Variants in SNN observed in about 807,000 individuals in gnomAD.
SNN encodes the protein stannin, also known as AG8_1.
Under a neutral mutation model 5.3 loss-of-function variants are expected in SNN, and 5 were observed. That is an observed-to-expected ratio of 0.94 (90% CI 0.49 to 1.97). The LOEUF (loss-of-function observed/expected upper bound fraction) is 1.97, where lower values mean the gene tolerates loss of function less well. SNN is among the 30% of genes most tolerant of loss of function. SNN has a pLI of 0.01. For missense variants in SNN, 127 were observed against 121.6 expected (o/e 1.04, Z -0.21); for synonymous variants, 67 against 52.1 (o/e 1.29, Z -1.24).
rs2050273849 is a variant in SNN, at chr16:11,672,713, C to T, written c.-85-3262C>T. Among the ~76,000 whole-genome samples, 1 of 152,134 alleles carries T rather than the reference C, an allele frequency of 6.6e-6. No homozygotes were observed. Among genetic ancestry groups the T allele is most frequent in the South Asian group, 2.1e-4 (1 of 4,834 alleles). ...CTGTGCTCGCGGCGGGGCAGAACCC[C>T]ACATCTGGCTCTGCCCATGCCTCCT... On this transcript the variant is annotated intron_variant, in intron 1 of 1. Transcript: ENST00000329565. This position sits in a 1 kb window ranked among gnomAD's most constrained non-coding sequence, Gnocchi z 6.0.
Position 11,674,580 on chromosome 16 carries a change from G to C in SNN, c.-85-1395G>C, listed in dbSNP as rs8191311. Among the ~76,000 whole-genome samples, 8 of 152,358 alleles carry C rather than the reference G, an allele frequency of 5.3e-5. No individual in the cohort carries two copies. The South Asian group carries it at 1.7e-3, about 32-fold the overall frequency. ...CTCCGTGGCTCGGCCAGGTGGAGGT[G>C]GTGGTCCCAGCCCTCCAACTTCTGG... is the stretch of plus-strand genomic sequence containing the variant. On this transcript the variant is annotated intron_variant, in intron 1 of 1. Coordinates refer to ENST00000329565, the MANE Select transcript of SNN (RefSeq NM_003498.6).
At chr16:11,675,786 G>A (rs8191326) in intron 1 of SNN, among the ~76,000 whole-genome samples, 189 bp from the exon 2 acceptor site, 2,931 of 152,316 alleles carry the variant, frequency 0.019, 100 homozygotes, top group African/African-American at 0.067. Flanking sequence ...CACCTGCCTG[G>A]TACAGCAGCA....
intron 1 of SNN, among the ~76,000 whole-genome samples, chr16:11,669,156 G>A (rs2141935596): frequency 6.6e-6 from 1 of 152,312 alleles, no homozygotes; most frequent in Non-Finnish European, 1.5e-5. Context: ...CCTCCCTGGA[G>A]CCTCGCTTTG....
chr16:11,675,237 ATTTCTT>A (rs1422897130), intron 1 of SNN, among the ~76,000 whole-genome samples: 1 of 130,050 alleles, frequency 7.7e-6, no homozygotes, highest in Non-Finnish European at 1.7e-5. Context: ...TGTCATTGTC[ATTTCTT>A]TTTCTTTTTT....
rs1304498099 is a variant in SNN at position 11,678,769 on chromosome 16, C to G, written c.*2443C>G. On this transcript the variant is annotated 3_prime_UTR_variant, in exon 2 of 2. Transcript: ENST00000329565. ...TTTTTTCAATAGCTACTTTTTTTAG[C>G]AGACACCAGAGCCACACTCAAATGG... 5.5e-6 allele frequency: 1 copy of G among 181,992 alleles called. No individual in the cohort carries two copies. Among genetic ancestry groups the G allele is most frequent in the Non-Finnish European group, 1.3e-5 (1 of 77,426 alleles). 11.3% of individuals were successfully genotyped at this position (181,992 alleles called of 1,614,324 possible).
intron 1 of SNN, among the ~76,000 whole-genome samples, chr16:11,669,252 C>T (rs1321974305): frequency 6.6e-6 from 1 of 152,276 alleles, no homozygotes; most frequent in East Asian, 1.9e-4. Context: ...ACCGCGCCTG[C>T]CACGCCGCCC....
chr16:11,674,502 C>T (rs1012732622), intron 1 of SNN, among the ~76,000 whole-genome samples: 8 of 152,218 alleles, frequency 5.3e-5, no homozygotes, highest in Non-Finnish European at 1.0e-4. Flanking sequence ...ACCTTATGTG[C>T]ATTCCATAGC....
At chr16:11,669,596 GA>G (rs1567278473) in intron 1 of SNN, among the ~76,000 whole-genome samples, 1 of 152,252 alleles carries the variant, frequency 6.6e-6, no homozygotes, top group Non-Finnish European at 1.5e-5. Context: ...TCTTGAGGCA[GA>G]AAGGAGACAT....
chr16:11,676,104 C>A lies in SNN; in HGVS notation c.45C>A (p.Val15=). The A allele has an allele frequency of 6.2e-7, 1 of 1,613,670 alleles. No individual in the cohort carries two copies. Among genetic ancestry groups the A allele is most frequent in the South Asian group, 1.1e-5 (1 of 91,042 alleles). The stretch of plus-strand genomic sequence containing the variant: ...GCCCCACCACGGGCGTGGTCACAGT[C>A]ATCGTCATCCTCATTGCCATCGCGG... ...DHSPTTGVVT[V]IVILIAIAAL... Residue 15 remains valine (V), a synonymous_variant, in exon 2 of 2, where the codon GTC becomes GTA. Transcript: ENST00000329565.
In SNN at chr16:11,677,989, G is replaced by A. The variant is rs2050321342; in HGVS notation, c.*1663G>A. 1 of 167,160 alleles carries A rather than the reference G, an allele frequency of 6.0e-6. No individual in the cohort carries two copies. Among genetic ancestry groups the A allele is most frequent in the Admixed American group, 6.5e-5 (1 of 15,274 alleles). The allele number at this position is 167,160 out of a possible 1,614,324, so 10.4% of individuals were successfully genotyped here. On this transcript the variant is annotated 3_prime_UTR_variant, in exon 2 of 2. Transcript: ENST00000329565. This position sits in a 1 kb window ranked among gnomAD's most constrained non-coding sequence, Gnocchi z 4.2. Reference sequence around the variant, plus strand: ...AATTGGGGGTTTAAACATTAAGTAGGAGCTTGGGGTGGAAGAGGGACAGCC... The same window carrying A: ...AATTGGGGGTTTAAACATTAAGTAGAAGCTTGGGGTGGAAGAGGGACAGCC...
rs952924227 is a variant in SNN at position 11,677,334 on chromosome 16, C to T, written c.*1008C>T. On this transcript the variant is annotated 3_prime_UTR_variant, in exon 2 of 2. Transcript: ENST00000329565. The surrounding 1 kb of genome is among the most constrained non-coding windows in gnomAD (Gnocchi z 4.2). ...GGACTGTTGAGGTTCTGTCTTTTTT[C>T]TTCTTTTCCTCTTCCCTCTTCACAT... The T allele has an allele frequency of 3.6e-5, 6 of 167,194 alleles. No individual in the cohort carries two copies. Among genetic ancestry groups the T allele is most frequent in the Non-Finnish European group, 8.8e-5 (6 of 68,234 alleles). 10.4% of individuals were successfully genotyped at this position (167,194 alleles called of 1,614,324 possible).
Position 11,676,110 on chromosome 16 carries a change from C to T in SNN, c.51C>T (p.Val17=), listed in dbSNP as rs1184830518. 1.4e-5 allele frequency: 23 copies of T among 1,613,856 alleles called. No homozygotes were observed. The highest frequency in any genetic ancestry group is 1.9e-5 in the Non-Finnish European group (23 of 1,179,932). ...SPTTGVVTVI[V]ILIAIAALGA... is the part of the protein sequence containing the mutation. Reference sequence around the variant, plus strand: ...CCACGGGCGTGGTCACAGTCATCGTCATCCTCATTGCCATCGCGGCCCTGG... The same window carrying T: ...CCACGGGCGTGGTCACAGTCATCGTTATCCTCATTGCCATCGCGGCCCTGG... The change falls in exon 2 of 2, where the codon GTC becomes GTT. Residue 17 remains valine (V), a synonymous_variant. Coordinates refer to ENST00000329565, the MANE Select transcript of SNN (RefSeq NM_003498.6).
intron 1 of SNN, among the ~76,000 whole-genome samples, chr16:11,669,053 C>G (rs1380063800): frequency 6.6e-6 from 1 of 152,170 alleles, no homozygotes; most frequent in Non-Finnish European, 1.5e-5. Flanking sequence ...TCCCCTGGTC[C>G]CCGTCCCACA....
chr16:11,673,813 G>C (rs894232505), intron 1 of SNN, among the ~76,000 whole-genome samples: 11 of 152,336 alleles, frequency 7.2e-5, no homozygotes, highest in Middle Eastern at 3.4e-3. Flanking sequence ...CGGTCCTGCA[G>C]GTCATTGTGA....
chr16:11,675,258 C>CTTTTTTT (rs769141223), intron 1 of SNN, among the ~76,000 whole-genome samples: 5 of 125,310 alleles, frequency 4.0e-5, no homozygotes, highest in Non-Finnish European at 8.5e-5. Context: ...TTTTTTTTTT[C>CTTTTTTT]TTTTTTTTTT....
chr16:11,675,518 C>T (rs1401629669), intron 1 of SNN, among the ~76,000 whole-genome samples: 2 of 152,182 alleles, frequency 1.3e-5, no homozygotes, highest in Non-Finnish European at 2.9e-5. Flanking sequence ...CTGCCGGCCT[C>T]AGCCTTCCAA....
At position 11,677,937 on chromosome 16, in the gene SNN, G is replaced by A. The variant is rs2050320781; in HGVS notation, c.*1611G>A. The A allele has an allele frequency of 6.0e-6, 1 of 167,168 alleles. No homozygotes were observed. Among genetic ancestry groups the A allele is most frequent in the Non-Finnish European group, 1.5e-5 (1 of 68,174 alleles). The allele number at this position is 167,168 out of a possible 1,614,324, so 10.4% of individuals were successfully genotyped here. ...AACCCCGAGGCGGGAGAAGTAGGGAGCTGTTCGTTTAAGCAGCATACACCT... is the reference window on the plus strand; with the variant it reads ...AACCCCGAGGCGGGAGAAGTAGGGAACTGTTCGTTTAAGCAGCATACACCT... On this transcript the variant is annotated 3_prime_UTR_variant, in exon 2 of 2. Coordinates refer to ENST00000329565, the MANE Select transcript of SNN (RefSeq NM_003498.6). This position sits in a 1 kb window ranked among gnomAD's most constrained non-coding sequence, Gnocchi z 4.2.
intron 1 of SNN, among the ~76,000 whole-genome samples, chr16:11,670,155 C>T (rs1383170532): frequency 6.6e-6 from 1 of 151,884 alleles, no homozygotes; most frequent in Non-Finnish European, 1.5e-5. Context: ...GGGCAGGAAA[C>T]GTTTCTGGTT....
rs1205561271 is a variant in SNN at position 11,672,874 on chromosome 16, A to G, written c.-85-3101A>G. 6.6e-6 allele frequency among the ~76,000 whole-genome samples: 1 copy of G among 151,998 alleles called. No individual in the cohort carries two copies. The highest frequency in any genetic ancestry group is 1.5e-5 in the Non-Finnish European group (1 of 67,970). On this transcript the variant is annotated intron_variant, in intron 1 of 1. Coordinates refer to ENST00000329565, the MANE Select transcript of SNN (RefSeq NM_003498.6). This position sits in a 1 kb window ranked among gnomAD's most constrained non-coding sequence, Gnocchi z 6.0. The stretch of plus-strand genomic sequence containing the variant: ...TGGTTGAACTGGGGCCCTTGAACTC[A>G]GGTGCCTCCTGGCCTGCCCACCTGG...
Sources: allele counts gnomAD v4.1 joint callset (sites outside exome capture counted in the v4.1 genomes callset), GRCh38; gene constraint gnomAD v4.1.1; non-coding constraint Gnocchi (gnomAD v3.1); transcripts MANE v1.5; gene names NCBI Gene and HGNC (gene_info 2026-07-23, HGNC 2026-07-21).